PEX7: variants seen among roughly 807,000 people sequenced by gnomAD.
The protein encoded by PEX7 is peroxisomal biogenesis factor 7.
In PEX7, 34 loss-of-function variants were observed where a neutral mutation model predicts 47.5. The ratio of observed to expected loss-of-function variants is 0.72; its 90% CI spans 0.54 to 0.95. The LOEUF is 0.95. PEX7 is among the 40% of genes least tolerant of loss of function. PEX7 has a pLI of 0.00. For missense variants in PEX7, 394 were observed against 400.3 expected, an observed-to-expected ratio of 0.98 and a Z score of 0.13; for synonymous variants, 141 against 148.8, an observed-to-expected ratio of 0.95 and a Z score of 0.38.
At chr6:136,848,412 T>C (rs890334118) in intron 5 of PEX7, among the ~76,000 whole-genome samples, 5 of 152,208 alleles carry the variant, frequency 3.3e-5, no homozygotes, top group Non-Finnish European at 7.3e-5. Context: ...GGCATCCCTA[T>C]CTTGTGCCAG....
intron 3 of PEX7, among the ~76,000 whole-genome samples, chr6:136,843,566 G>A (rs1291880968): frequency 6.6e-6 from 1 of 152,090 alleles, no homozygotes; most frequent in Non-Finnish European, 1.5e-5. Context: ...TTTACCATAT[G>A]GCCCTTTATA....
intron 8 of PEX7, among the ~76,000 whole-genome samples, chr6:136,895,417 T>C (rs556022850): frequency 6.4e-4 from 97 of 152,330 alleles, no homozygotes; most frequent in African/African-American, 2.3e-3. Context: ...CATATTAATA[T>C]TGATTGAAAA....
chr6:136,841,776 G>A (rs961909045), intron 3 of PEX7, among the ~76,000 whole-genome samples: 15 of 151,754 alleles, frequency 9.9e-5, no homozygotes, highest in South Asian at 2.1e-4. Flanking sequence ...ATAGAGACGG[G>A]GGTCTCGCCA....
intron 5 of PEX7, among the ~76,000 whole-genome samples, chr6:136,863,587 A>G (rs1775004611): frequency 6.6e-6 from 1 of 152,064 alleles, no homozygotes; most frequent in South Asian, 2.1e-4. Context: ...TGAAAATATA[A>G]TAGAAATTTT....
At chr6:136,837,812 C>CCCCA (rs1774421318) in intron 3 of PEX7, among the ~76,000 whole-genome samples, 2 of 146,814 alleles carry the variant, frequency 1.4e-5, no homozygotes, top group Non-Finnish European at 3.0e-5. Context: ...AATTTAAACG[C>CCCCA]CACACACACA....
chr6:136,864,214 A>T (rs951733857), intron 5 of PEX7, among the ~76,000 whole-genome samples: 1 of 150,694 alleles, frequency 6.6e-6, no homozygotes, highest in African/African-American at 2.4e-5. Context: ...AATGCTTAGA[A>T]CAGTATGTGG....
intron 5 of PEX7, among the ~76,000 whole-genome samples, chr6:136,862,969 G>T (rs980723304): frequency 2.6e-5 from 4 of 152,168 alleles, no homozygotes; most frequent in African/African-American, 9.7e-5. Context: ...TACACTGAAG[G>T]CTGGAGAAAG....
intron 9 of PEX7, among the ~76,000 whole-genome samples, chr6:136,905,308 G>A (rs558769243): frequency 5.4e-4 from 82 of 152,058 alleles, no homozygotes; most frequent in African/African-American, 1.8e-3. Flanking sequence ...ATCTTCAATC[G>A]GTTCTTCTGT....
intron 3 of PEX7, among the ~76,000 whole-genome samples, chr6:136,844,229 G>A (rs903080127): frequency 1.3e-5 from 2 of 152,228 alleles, no homozygotes; most frequent in Non-Finnish European, 2.9e-5. Flanking sequence ...TTAGCTGGGT[G>A]TGGTGGCACG....
chr6:136,909,322 A>G (rs1775896616), intron 9 of PEX7, among the ~76,000 whole-genome samples: 1 of 152,192 alleles, frequency 6.6e-6, no homozygotes, highest in Admixed American at 6.5e-5. Context: ...AAACAAACAA[A>G]CAAAATATAT....
chr6:136,854,342 A>G (rs1257533324), intron 5 of PEX7, among the ~76,000 whole-genome samples: 1 of 152,064 alleles, frequency 6.6e-6, no homozygotes, highest in Non-Finnish European at 1.5e-5. Context: ...GTGCGCCATC[A>G]CACCCAGCTA....
intron 8 of PEX7, among the ~76,000 whole-genome samples, chr6:136,874,788 T>A (rs551848500): frequency 6.4e-4 from 97 of 152,220 alleles, no homozygotes; most frequent in African/African-American, 2.0e-3. Flanking sequence ...GAATATCTAG[T>A]GGTATGTTTA....
chr6:136,895,788 A>G (rs1040887807), intron 8 of PEX7, among the ~76,000 whole-genome samples: 1 of 152,236 alleles, frequency 6.6e-6, no homozygotes, highest in African/African-American at 2.4e-5. Context: ...AAGTGTCTTT[A>G]TGCCATTCAG....
intron 5 of PEX7, among the ~76,000 whole-genome samples, chr6:136,861,019 T>C (rs192224403): frequency 6.6e-6 from 1 of 152,368 alleles, no homozygotes; most frequent in African/African-American, 2.4e-5. Flanking sequence ...ATCCATGTTA[T>C]TCCTACAATA....
intron 3 of PEX7, among the ~76,000 whole-genome samples, chr6:136,834,004 T>TA (rs1471065083): frequency 6.6e-6 from 1 of 152,058 alleles, no homozygotes; most frequent in Non-Finnish European, 1.5e-5. Flanking sequence ...CCACGTAAAT[T>TA]AAAAAACAAC....
chr6:136,846,000 G>T (rs1774591739), intron 4 of PEX7, 73 bp from the exon 5 acceptor site: 1 of 814,908 alleles, frequency 1.2e-6, no homozygotes, highest in Admixed American at 1.8e-5. Context: ...TAGTTTATTG[G>T]TGTATGTAGT....
intron 5 of PEX7, among the ~76,000 whole-genome samples, chr6:136,857,065 C>T (rs1442636663): frequency 1.3e-5 from 2 of 152,144 alleles, no homozygotes; most frequent in African/African-American, 2.4e-5. Context: ...GTTCTTCTTC[C>T]ACTCTGCAAA....
intron 3 of PEX7, among the ~76,000 whole-genome samples, chr6:136,842,780 A>G (rs1054099216): frequency 1.6e-4 from 24 of 152,348 alleles, no homozygotes; most frequent in African/African-American, 5.1e-4. Flanking sequence ...TTTTTAGTAA[A>G]TAAAATATGG....
At chr6:136,849,426 T>A (rs1774694654) in intron 5 of PEX7, among the ~76,000 whole-genome samples, 2 of 152,206 alleles carry the variant, frequency 1.3e-5, no homozygotes, top group Non-Finnish European at 2.9e-5. Context: ...GCTTCTCTAG[T>A]TCTTTTAATT....
Sources: gnomAD v4.1 joint callset for allele counts (sites outside exome capture counted in the v4.1 genomes callset) on GRCh38, gnomAD v4.1.1 for gene constraint, MANE v1.5 for transcripts, NCBI Gene and HGNC (gene_info 2026-07-23, HGNC 2026-07-21) for gene names.